Variants in KIF7 observed in about 807,000 individuals in gnomAD.
KIF7 encodes kinesin-like protein KIF7.
KIF7 carries 104 observed loss-of-function variants against 135.7 expected under a neutral mutation model. That is an observed-to-expected ratio of 0.77 (90% confidence interval 0.65 to 0.90). KIF7 has a LOEUF of 0.90. Among genes scored for constraint, KIF7 ranks in the 40% least tolerant of loss-of-function variants. KIF7 has a pLI of 0.00. For missense variants in KIF7, 2,005 were observed against 1,839.1 expected (o/e 1.09, Z -1.65); for synonymous variants, 883 against 809.4 (o/e 1.09, Z -1.54).
chr15:89,627,972 A>AT (rs1963567722), downstream of KIF7: 1 of 155,764 alleles, frequency 6.4e-6, no homozygotes, highest in Non-Finnish European at 1.4e-5. Flanking sequence ...AAAACTTCCC[A>AT]TTTGTCCCTT....
At position 89,628,767 on chromosome 15, in the gene KIF7, C is replaced by CA; in HGVS notation, c.3683dup (p.Cys1229ValfsTer11). On this transcript the variant is annotated frameshift_variant, in exon 19 of 19. Transcript: ENST00000394412. LOFTEE classifies it low-confidence loss of function (END_TRUNC). ...CAGGAGCCTGTCTGCCCTCCGAGCA[C>CA]AGGCTCCTCTTCTCCCCACCTGTCA... The CA allele has an allele frequency of 6.2e-7, 1 of 1,612,222 alleles. No individual in the cohort carries two copies. The highest frequency in any genetic ancestry group is 8.5e-7 in the Non-Finnish European group (1 of 1,180,004).
In KIF7 at chr15:89,647,075, G is replaced by C; in HGVS notation, c.1561-18C>G. On this transcript the variant is annotated intron_variant, in intron 6 of 18. Coordinates refer to ENST00000394412, the MANE Select transcript of KIF7 (RefSeq NM_198525.3). ...CGGTCGCTCTGCAAGACATGGTCCAGGTGCCAAGGGGGCATGAATGCCCCG... is the reference window on the plus strand; with the variant it reads ...CGGTCGCTCTGCAAGACATGGTCCACGTGCCAAGGGGGCATGAATGCCCCG... 1 of 1,558,226 alleles carries C rather than the reference G, an allele frequency of 6.4e-7. No individual in the cohort carries two copies. Among genetic ancestry groups the C allele is most frequent in the African/African-American group, 1.4e-5 (1 of 73,794 alleles).
At position 89,633,644 on chromosome 15, in the gene KIF7, A is replaced by G. The variant is rs753162775; in HGVS notation, c.2592+42T>C. On this transcript the variant is annotated intron_variant, in intron 12 of 18. Coordinates refer to ENST00000394412, the MANE Select transcript of KIF7 (RefSeq NM_198525.3). ...CCTGGCTGGGCCGCCAGCTCAGCCT[A>G]TTGGCCTGGACAGAAGGTCCCCACC... is the stretch of plus-strand genomic sequence containing the variant. 39 of 1,594,698 alleles carry G rather than the reference A, an allele frequency of 2.4e-5. No homozygotes were observed. The South Asian group carries it at 3.4e-4, about 14-fold the overall frequency.
the KIF7 span, among the ~76,000 whole-genome samples, chr15:89,661,439 G>A: frequency 6.6e-6 from 1 of 152,172 alleles, no homozygotes; most frequent in Non-Finnish European, 1.5e-5. Context: ...TCAGGACTGT[G>A]GTTTTGGCAG....
chr15:89,645,889 TC>T lies in KIF7; in HGVS notation c.1922+3del. 1 of 1,613,104 alleles carries T rather than the reference TC, an allele frequency of 6.2e-7. No homozygotes were observed. Among genetic ancestry groups the T allele is most frequent in the Non-Finnish European group, 8.5e-7 (1 of 1,179,804 alleles). On this transcript the variant is annotated splice_donor_region_variant and intron_variant, in intron 8 of 18. Transcript: ENST00000394412. ...GTCAGGTGGGGGCAGTGGGTCCCAC[TC>T]ACCTGCGCAGGTGTAAGGTCCGCCT... is the stretch of plus-strand genomic sequence containing the variant.
Position 89,630,479 on chromosome 15 carries a change from C to G in KIF7, c.3126G>C (p.Leu1042=), listed in dbSNP as rs750772799. 49 of 1,548,080 alleles carry G rather than the reference C, an allele frequency of 3.2e-5. No homozygotes were observed. Among genetic ancestry groups the G allele is most frequent in the Non-Finnish European group, 4.0e-5 (46 of 1,147,410 alleles). The change falls in exon 16 of 19, where the codon CTG becomes CTC. Residue 1042 remains leucine, a synonymous_variant. Coordinates refer to ENST00000394412, the MANE Select transcript of KIF7 (RefSeq NM_198525.3). ...CCTCGATGGCCTCATCCAACTGGAA[C>G]AGCGTCCGCTCCTCCTGCAGAGACG... ...SLLSPEEERT[L]FQLDEAIEAL...
At chr15:89,633,322 C>T in intron 12 of KIF7, 56 bp from the exon 13 acceptor site, 1 of 1,535,936 alleles carries the variant, frequency 6.5e-7, no homozygotes, top group Non-Finnish European at 8.7e-7. Context: ...CTTACCAGAG[C>T]CTGCCACCGA....
At position 89,619,684 on chromosome 15, in the gene KIF7, C is replaced by T. The variant is rs1487335119; in HGVS notation, c.181-1489G>A. ...TCAAGCTTGTAGTTGTCTTTGGTTACTTACTGTGGTTCTGATTTTACAGAA... is the reference window on the plus strand; with the variant it reads ...TCAAGCTTGTAGTTGTCTTTGGTTATTTACTGTGGTTCTGATTTTACAGAA... On this transcript the variant is annotated intron_variant and NMD_transcript_variant, in intron 1 of 2. Coordinates refer to the KIF7 transcript ENST00000558928. 8 of 1,591,626 alleles carry T rather than the reference C, an allele frequency of 5.0e-6. No individual in the cohort carries two copies. In the Admixed American group the frequency reaches 1.3e-4, roughly 25 times the overall value.
chr15:89,624,360 T>C (rs763560929), downstream of KIF7: 9 of 1,614,036 alleles, frequency 5.6e-6, no homozygotes, highest in African/African-American at 1.3e-5. Context: ...CCAGCGTAGC[T>C]GCATCTCTCT....
intron 10 of KIF7, among the ~76,000 whole-genome samples, chr15:89,643,158 C>T (rs182013126): frequency 1.1e-3 from 171 of 152,248 alleles, no homozygotes; most frequent in Non-Finnish European, 1.7e-3. Context: ...ACAGTCGGCC[C>T]TCTGCATCTG....
At position 89,628,428 on chromosome 15, in the gene KIF7, GT is replaced by G. The variant is rs1189475809; in HGVS notation, c.4022del (p.Asn1341ThrfsTer38). 2 of 1,606,270 alleles carry G rather than the reference GT, an allele frequency of 1.2e-6. No homozygotes were observed. Among genetic ancestry groups the G allele is most frequent in the Non-Finnish European group, 1.7e-6 (2 of 1,176,202 alleles). On this transcript the variant is annotated frameshift_variant, in exon 19 of 19. Transcript: ENST00000394412. LOFTEE classifies it high-confidence loss of function. ...ASPGMIDVRK[N>X]PL is the part of the protein sequence containing the mutation. ...GGTCTGCCCCGAGGGCTTACAGGGG[GT>G]TTTTCCGGACATCAATCATCCCCGG...
At chr15:89,624,344 T>A (rs1428578604), downstream of KIF7, 15 of 1,614,048 alleles carry the variant, frequency 9.3e-6, no homozygotes, top group Admixed American at 3.3e-5. Flanking sequence ...GAGCCCCAGA[T>A]GTCACCCAGC....
intron 16 of KIF7, 49 bp downstream of exon 16, chr15:89,630,238 C>G (rs78984448): frequency 1.9e-6 from 3 of 1,567,746 alleles, no homozygotes; most frequent in South Asian, 1.1e-5. Context: ...GACACCTCCC[C>G]ACACGTGCCG....
upstream of KIF7, among the ~76,000 whole-genome samples, chr15:89,658,062 C>A (rs1964224591): frequency 6.6e-6 from 1 of 152,226 alleles, no homozygotes; most frequent in South Asian, 2.1e-4. Flanking sequence ...TCAGGCCGAA[C>A]CTGGTCCATT....
At chr15:89,642,573 A>T (rs913460921) in intron 10 of KIF7, among the ~76,000 whole-genome samples, 168 bp from the exon 11 acceptor site, 1 of 151,834 alleles carries the variant, frequency 6.6e-6, no homozygotes, top group Non-Finnish European at 1.5e-5. Flanking sequence ...AATCAACTCT[A>T]TTTATTTATT....
chr15:89,623,887 C>T, downstream of KIF7: 1 of 1,614,012 alleles, frequency 6.2e-7, no homozygotes, highest in Middle Eastern at 1.6e-4. Flanking sequence ...AACGAAGACA[C>T]CAAGAACTCC....
In KIF7 at chr15:89,649,221, C is replaced by T. The variant is rs955010124; in HGVS notation, c.676G>A (p.Glu226Lys). 6 of 1,546,472 alleles carry T rather than the reference C, an allele frequency of 3.9e-6. No individual in the cohort carries two copies. Among genetic ancestry groups the T allele is most frequent in the Non-Finnish European group, 5.2e-6 (6 of 1,145,372 alleles). Residue 226 changes from glutamate to lysine, a missense_variant, in exon 4 of 19, where the codon GAG becomes AAG. Coordinates refer to ENST00000394412, the MANE Select transcript of KIF7 (RefSeq NM_198525.3). ...RSHTVFTVTL[E>K]QRGRAPSRLP... is the part of the protein sequence containing the mutation. ...CGGCTGGGGGCGCGCCCCCGCTGCT[C>T]CAGGGTCACGGTGAAGACCGTGTGT... is the stretch of plus-strand genomic sequence containing the variant.
At chr15:89,636,080 G>A (rs1233148803) in intron 11 of KIF7, among the ~76,000 whole-genome samples, 6 of 152,176 alleles carry the variant, frequency 3.9e-5, no homozygotes, top group Admixed American at 1.3e-4. Flanking sequence ...GCCAAACTAA[G>A]CTTCATAAGT....
chr15:89,638,007 T>A (rs2142009894), intron 11 of KIF7, among the ~76,000 whole-genome samples: 1 of 122,314 alleles, frequency 8.2e-6, no homozygotes, highest in South Asian at 2.8e-4. Flanking sequence ...GATGCAAGGC[T>A]GGTTCAATAT....
Sources: gnomAD v4.1 joint callset for allele counts (sites outside exome capture counted in the v4.1 genomes callset) on GRCh38, gnomAD v4.1.1 for gene constraint, MANE v1.5 for transcripts, NCBI Gene and HGNC (gene_info 2026-07-23, HGNC 2026-07-21) for gene names.